GNB5: variants seen among roughly 807,000 people sequenced by gnomAD.
GNB5 encodes G protein subunit beta 5.
A neutral mutation model predicts 55.3 loss-of-function variants in GNB5; 37 were observed. The observed-to-expected ratio is 0.67, with a 90% confidence interval of 0.51 to 0.88. GNB5 has a LOEUF of 0.88. Among genes scored for constraint, GNB5 ranks in the 40% least tolerant of loss-of-function variants. GNB5 has a pLI of 0.00. For missense variants in GNB5, 476 were observed against 515.3 expected, an observed-to-expected ratio of 0.92 and a Z score of 0.74; for synonymous variants, 219 against 198.5, an observed-to-expected ratio of 1.10 and a Z score of -0.87.
intron 7 of GNB5, chr15:52,139,874 G>A (rs1472118753): frequency 7.8e-7 from 1 of 1,286,742 alleles, no homozygotes; most frequent in Non-Finnish European, 1.0e-6. Flanking sequence ...AGTCTGATGG[G>A]TCTCCACAGA....
intron 9 of GNB5, among the ~76,000 whole-genome samples, chr15:52,129,619 T>C (rs755052790): frequency 1.3e-4 from 20 of 152,360 alleles, no homozygotes; most frequent in Admixed American, 3.9e-4. Flanking sequence ...ACATGGGCTA[T>C]GATTTCCTTC....
At chr15:52,155,793 G>A (rs2034196518) in intron 3 of GNB5, among the ~76,000 whole-genome samples, 1 of 152,216 alleles carries the variant, frequency 6.6e-6, no homozygotes, top group Non-Finnish European at 1.5e-5. Context: ...CTGGGCACAT[G>A]AGTCCCACTG....
At chr15:52,146,992 T>A (rs2033990855) in intron 6 of GNB5, among the ~76,000 whole-genome samples, 1 of 152,156 alleles carries the variant, frequency 6.6e-6, no homozygotes, top group African/African-American at 2.4e-5. Context: ...AGTCACCAGA[T>A]CAAAGGCTAT....
chr15:52,177,197 A>G (rs369379300), intron 3 of GNB5, among the ~76,000 whole-genome samples: 2 of 150,948 alleles, frequency 1.3e-5, no homozygotes, highest in Middle Eastern at 3.2e-3. Context: ...ACCATGCCCA[A>G]CTAATTTTTG....
intron 1 of GNB5, among the ~76,000 whole-genome samples, chr15:52,189,534 C>T (rs80166953): frequency 0.13 from 19,059 of 152,070 alleles, 1,629 homozygotes; most frequent in Admixed American, 0.25. Flanking sequence ...GAGCCAAGAT[C>T]GCGCCACTGA....
At chr15:52,171,478 T>C (rs1566947921) in intron 3 of GNB5, among the ~76,000 whole-genome samples, 2 of 152,236 alleles carry the variant, frequency 1.3e-5, no homozygotes, top group Non-Finnish European at 2.9e-5. Context: ...CATTTGTTTA[T>C]TGGGAAAGTA....
At position 52,118,551 on chromosome 15, in the gene GNB5, A is replaced by C. The variant is rs982569411; in HGVS notation, c.*4206T>G. The C allele has an allele frequency of 2.6e-5, 4 of 152,124 alleles. No individual in the cohort carries two copies. The highest frequency in any genetic ancestry group is 1.5e-5 in the Non-Finnish European group (1 of 68,018). 9.4% of individuals were successfully genotyped at this position (152,124 alleles called of 1,614,324 possible). A position where few individuals can be genotyped will look rare whatever the true frequency, so the allele number is the denominator to read the frequency against. ...GGATAGATACAATCCACAATGAGCA[A>C]GTTATTTGGGGTCCTCAATAACTTT... On this transcript the variant is annotated 3_prime_UTR_variant, in exon 13 of 13. Transcript: ENST00000261837.
In GNB5 at chr15:52,169,538, CAAAAAAAAAAAAA is replaced by C. The variant is rs60470864; in HGVS notation, c.238+10217_238+10229del. Among the ~76,000 whole-genome samples, 27 of 71,484 alleles carry C rather than the reference CAAAAAAAAAAAAA, an allele frequency of 3.8e-4. No individual in the cohort carries two copies. The Admixed American group carries it at 4.9e-3, about 13-fold the overall frequency. 46.9% of individuals were successfully genotyped at this position (71,484 alleles called of 152,430 possible). ...GGGTGACAAGAGCGAGACTCTGTCT[CAAAAAAAAAAAAA>C]AAAAAAAAAAAAGAAAAGAAGAGAA... On this transcript the variant is annotated intron_variant, in intron 3 of 12. Transcript: ENST00000261837.
intron 9 of GNB5, 78 bp downstream of exon 9, chr15:52,133,300 G>A (rs2033624720): frequency 6.3e-6 from 6 of 953,632 alleles, no homozygotes; most frequent in South Asian, 2.8e-5. Context: ...GTCTGGAGGC[G>A]GTTCCTGGGC....
At chr15:52,133,492 G>A (rs778621450) in intron 8 of GNB5, 23 bp from the exon 9 acceptor site, 5 of 1,468,216 alleles carry the variant, frequency 3.4e-6, no homozygotes, top group South Asian at 1.1e-5. Context: ...ATTAGCCAGA[G>A]TTATGGCCAC....
chr15:52,153,099 G>C (rs1463336163), intron 4 of GNB5, among the ~76,000 whole-genome samples: 1 of 152,228 alleles, frequency 6.6e-6, no homozygotes, highest in Non-Finnish European at 1.5e-5. Context: ...TATCAGGGTT[G>C]TTCTGTGTGA....
chr15:52,123,391 G>GC (rs746974549), intron 12 of GNB5, among the ~76,000 whole-genome samples: 2 of 149,952 alleles, frequency 1.3e-5, no homozygotes, highest in African/African-American at 2.5e-5. Context: ...CTAATTAAGT[G>GC]CCCCCCAACA....
At chr15:52,183,921 G>C (rs1167909039) in intron 2 of GNB5, among the ~76,000 whole-genome samples, 1 of 152,160 alleles carries the variant, frequency 6.6e-6, no homozygotes, top group Non-Finnish European at 1.5e-5. Flanking sequence ...AAAATTCCAG[G>C]ATTTGTATTC....
At position 52,179,865 on chromosome 15, in the gene GNB5, C is replaced by G. The variant is rs773883895; in HGVS notation, c.141G>C (p.Gly47=). 17 of 1,547,196 alleles carry G rather than the reference C, an allele frequency of 1.1e-5. No homozygotes were observed. The highest frequency in any genetic ancestry group is 5.2e-6 in the Non-Finnish European group (6 of 1,147,982). ...ACGCCAGCGTCTCGTTCTCGTGCAG[C>G]CCCTCGGTTGCCATCTTCGCGCGGG... ...STCAEIMATE[G]LHENETLASL... The change falls in exon 3 of 13, where the codon GGG becomes GGC. Residue 47 remains glycine (G), a synonymous_variant. Transcript: ENST00000261837.
chr15:52,120,643 GGA>G lies in GNB5; in HGVS notation c.*2112_*2113del. The stretch of plus-strand genomic sequence containing the variant: ...AGAGACAAAAAAAAAAATGGCTGTG[GGA>G]GAGAGGGTTGGGGATGCCACCACAA... On this transcript the variant is annotated 3_prime_UTR_variant, in exon 13 of 13. Coordinates refer to ENST00000261837, the MANE Select transcript of GNB5 (RefSeq NM_016194.4). The G allele has an allele frequency of 6.6e-6, 1 of 151,894 alleles. No homozygotes were observed. Among genetic ancestry groups the G allele is most frequent in the Non-Finnish European group, 1.5e-5 (1 of 68,044 alleles). The allele number at this position is 151,894 out of a possible 1,614,324, so 9.4% of individuals were successfully genotyped here. A position where few individuals can be genotyped will look rare whatever the true frequency, so the allele number is the denominator to read the frequency against.
chr15:52,183,621 C>G (rs1472759286), intron 2 of GNB5, among the ~76,000 whole-genome samples: 2 of 152,128 alleles, frequency 1.3e-5, no homozygotes, highest in African/African-American at 4.8e-5. Flanking sequence ...TTTTCTTTTT[C>G]AGTTAGATAA....
Position 52,122,721 on chromosome 15 carries a change from T to A in GNB5, c.*36A>T. 1 of 1,521,676 alleles carries A rather than the reference T, an allele frequency of 6.6e-7. No individual in the cohort carries two copies. Among genetic ancestry groups the A allele is most frequent in the Non-Finnish European group, 9.1e-7 (1 of 1,095,712 alleles). 94.3% of individuals were successfully genotyped at this position (1,521,676 alleles called of 1,614,324 possible). A position where few individuals can be genotyped will look rare whatever the true frequency, so the allele number is the denominator to read the frequency against. On this transcript the variant is annotated 3_prime_UTR_variant, in exon 13 of 13. Coordinates refer to ENST00000261837, the MANE Select transcript of GNB5 (RefSeq NM_016194.4). Reference sequence around the variant, plus strand: ...TCTATTTACATGTGAAGATTTCAAATTCTCAGGTATACATGAGTGCACTGT... The same window carrying A: ...TCTATTTACATGTGAAGATTTCAAAATCTCAGGTATACATGAGTGCACTGT...
At chr15:52,155,754 G>C (rs1377193431) in intron 3 of GNB5, among the ~76,000 whole-genome samples, 1 of 152,164 alleles carries the variant, frequency 6.6e-6, no homozygotes, top group Non-Finnish European at 1.5e-5. Flanking sequence ...ACAGAGATGG[G>C]GTGCTGAGTT....
chr15:52,147,431 C>T (rs757822736), intron 6 of GNB5, 28 bp downstream of exon 6: 2 of 1,324,058 alleles, frequency 1.5e-6, no homozygotes, highest in Non-Finnish European at 1.1e-6. Context: ...AACACAAATT[C>T]TGAAAAGCTG....
Sources: allele counts gnomAD v4.1 joint callset (sites outside exome capture counted in the v4.1 genomes callset), GRCh38; gene constraint gnomAD v4.1.1; transcripts MANE v1.5; gene names NCBI Gene and HGNC (gene_info 2026-07-23, HGNC 2026-07-21).